The following OPCML variants were observed in gnomAD, a reference collection of about 807,000 sequenced individuals.
OPCML encodes the protein opioid-binding protein/cell adhesion molecule.
In OPCML, 13 loss-of-function variants were observed where a neutral mutation model predicts 37.8. The ratio of observed to expected loss-of-function variants is 0.34; its 90% confidence interval spans 0.22 to 0.55. The LOEUF is 0.55. Ranked by LOEUF, OPCML falls within the 20% of genes least tolerant of loss-of-function variation. The probability of loss-of-function intolerance (pLI) is 0.91; values close to 1 mark genes in which losing one functional copy is unlikely to be tolerated. For missense variants in OPCML, 341 were observed against 435.6 expected (o/e 0.78, Z 1.93); for synonymous variants, 176 against 168.8 (o/e 1.04, Z -0.33).
At chr11:132,791,696 CAT>C (rs1937919260) in intron 2 of OPCML, among the ~76,000 whole-genome samples, 1 of 152,198 alleles carries the variant, frequency 6.6e-6, no homozygotes. Flanking sequence ...TCGGCTGCCT[CAT>C]AAATAGGCAC....
intron 2 of OPCML, among the ~76,000 whole-genome samples, chr11:132,707,631 T>C (rs961282478): frequency 3.3e-5 from 5 of 152,190 alleles, no homozygotes; most frequent in Non-Finnish European, 4.4e-5. Flanking sequence ...AACCAACATG[T>C]AGAATTAGTT....
chr11:133,003,196 A>T (rs1164121275), intron 1 of OPCML, among the ~76,000 whole-genome samples: 6 of 152,234 alleles, frequency 3.9e-5, no homozygotes, highest in African/African-American at 7.2e-5. Flanking sequence ...TTCCACAAAC[A>T]TGGTGGCTGA....
At chr11:132,647,881 T>A (rs916548946) in intron 3 of OPCML, among the ~76,000 whole-genome samples, 1 of 152,254 alleles carries the variant, frequency 6.6e-6, no homozygotes, top group African/African-American at 2.4e-5. Flanking sequence ...GCTTCACTTC[T>A]ATTGCTCTTC....
chr11:132,754,709 T>C (rs1462369764), intron 2 of OPCML, among the ~76,000 whole-genome samples: 1 of 152,072 alleles, frequency 6.6e-6, no homozygotes, highest in Non-Finnish European at 1.5e-5. Context: ...AGGGGCAGGC[T>C]CAGAAATGGC....
At chr11:132,539,550 A>T (rs531222687) in intron 3 of OPCML, among the ~76,000 whole-genome samples, 32 of 151,882 alleles carry the variant, frequency 2.1e-4, no homozygotes, top group Middle Eastern at 3.4e-3. Context: ...ATGATGATGA[A>T]GATCATGGTA....
intron 2 of OPCML, among the ~76,000 whole-genome samples, chr11:132,687,383 T>C (rs1323876547): frequency 3.3e-4 from 6 of 18,058 alleles, no homozygotes; most frequent in African/African-American, 1.6e-3. Flanking sequence ...TATATATATA[T>C]ATATATATAT....
chr11:132,590,689 C>G (rs1214617278), intron 3 of OPCML, among the ~76,000 whole-genome samples: 3 of 152,138 alleles, frequency 2.0e-5, no homozygotes, highest in Non-Finnish European at 1.5e-5. Context: ...AACCATGACT[C>G]TACATGAATT....
chr11:133,481,307 C>T (rs1172432342), intron 1 of OPCML, among the ~76,000 whole-genome samples: 1 of 152,080 alleles, frequency 6.6e-6, no homozygotes, highest in African/African-American at 2.4e-5. Context: ...AATCTAATCA[C>T]CTCATTTTAC....
intron 2 of OPCML, among the ~76,000 whole-genome samples, chr11:132,801,514 T>C (rs1483184776): frequency 6.6e-6 from 1 of 152,202 alleles, no homozygotes; most frequent in African/African-American, 2.4e-5. Context: ...CCAGGTATAT[T>C]TAAATAAAAC....
intron 4 of OPCML, among the ~76,000 whole-genome samples, chr11:132,523,777 A>G (rs930909746): frequency 6.6e-6 from 1 of 152,344 alleles, no homozygotes; most frequent in East Asian, 1.9e-4. Flanking sequence ...ACAAATACAC[A>G]AAGTACAACC....
At chr11:133,520,799 C>A (rs1050617760) in intron 1 of OPCML, among the ~76,000 whole-genome samples, 1 of 152,118 alleles carries the variant, frequency 6.6e-6, no homozygotes, top group African/African-American at 2.4e-5. Context: ...TTTCTGAACC[C>A]GTTTCAGGTC....
chr11:132,953,455 G>A (rs560060379), intron 1 of OPCML, among the ~76,000 whole-genome samples: 27 of 152,280 alleles, frequency 1.8e-4, no homozygotes, highest in African/African-American at 6.0e-4. Context: ...AGAAAGGCTG[G>A]AGACCCCTAT....
At chr11:132,475,251 A>G (rs1349537906) in intron 4 of OPCML, among the ~76,000 whole-genome samples, 1 of 152,158 alleles carries the variant, frequency 6.6e-6, no homozygotes, top group Non-Finnish European at 1.5e-5. Flanking sequence ...CTCTTCTCCT[A>G]TTGCATTTTT....
intron 1 of OPCML, among the ~76,000 whole-genome samples, chr11:133,120,850 A>T (rs956477628): frequency 6.6e-6 from 1 of 152,174 alleles, no homozygotes; most frequent in Non-Finnish European, 1.5e-5. Context: ...ATGGCCAGGA[A>T]GATACTGAAC....
intron 4 of OPCML, among the ~76,000 whole-genome samples, chr11:132,528,681 G>A (rs1398098844): frequency 2.0e-5 from 3 of 152,114 alleles, no homozygotes; most frequent in Non-Finnish European, 4.4e-5. Flanking sequence ...ACTCCTGGAC[G>A]CACAATAATG....
intron 4 of OPCML, among the ~76,000 whole-genome samples, chr11:132,450,698 ATAAATGCATGGCAG>A (rs1442169741): frequency 6.6e-6 from 1 of 152,216 alleles, no homozygotes; most frequent in Non-Finnish European, 1.5e-5. Flanking sequence ...CACAAGTGTT[ATAAATGCATGGCAG>A]TAAAGAAAGT....
chr11:132,749,456 G>A (rs147579121), intron 2 of OPCML, among the ~76,000 whole-genome samples: 76 of 152,270 alleles, frequency 5.0e-4, no homozygotes, highest in African/African-American at 1.7e-3. Context: ...GGTGGTAGAG[G>A]TATGACAATC....
At chr11:133,337,219 A>G (rs763346602) in intron 1 of OPCML, among the ~76,000 whole-genome samples, 6 of 152,212 alleles carry the variant, frequency 3.9e-5, no homozygotes, top group Non-Finnish European at 7.3e-5. Flanking sequence ...GGAGTCAGCC[A>G]CCATTTTGAG....
intron 1 of OPCML, among the ~76,000 whole-genome samples, chr11:133,444,142 G>A (rs1360530301): frequency 6.6e-6 from 1 of 152,028 alleles, no homozygotes; most frequent in Non-Finnish European, 1.5e-5. Flanking sequence ...TCAAGTAGAA[G>A]CAGCAGCGAG....
Sources: allele counts gnomAD v4.1 joint callset (sites outside exome capture counted in the v4.1 genomes callset), GRCh38; gene constraint gnomAD v4.1.1; transcripts MANE v1.5; gene names NCBI Gene and HGNC (gene_info 2026-07-23, HGNC 2026-07-21).